The following TBXAS1 variants were observed in gnomAD, a reference collection of about 807,000 sequenced individuals.
TBXAS1 encodes thromboxane-A synthase.
A neutral mutation model predicts 60.7 loss-of-function variants in TBXAS1; 48 were observed. The ratio of observed to expected loss-of-function variants is 0.79; its 90% confidence interval spans 0.63 to 1.01. TBXAS1 has a LOEUF of 1.01. Among genes scored for constraint, TBXAS1 ranks in the 50% least tolerant of loss-of-function variants. The pLI, the probability that TBXAS1 is intolerant of heterozygous loss-of-function variation, is 0.00. For synonymous variants in TBXAS1, 287 were observed against 269.7 expected, an observed-to-expected ratio of 1.06 and a Z score of -0.63; for missense variants, 685 against 686.3, an observed-to-expected ratio of 1.00 and a Z score of 0.02.
rs1337922114 is a variant in TBXAS1, at chr7:139,953,453, A to G, written c.536A>G (p.Gln179Arg). The G allele has an allele frequency of 1.9e-6, 3 of 1,614,022 alleles. No individual in the cohort carries two copies. Among genetic ancestry groups the G allele is most frequent in the Admixed American group, 3.3e-5 (2 of 60,008 alleles). The change falls in exon 6 of 13, where the codon CAG becomes CGG. Residue 179 changes from glutamine to arginine, a missense_variant. Coordinates refer to ENST00000448866, the MANE Select transcript of TBXAS1 (RefSeq NM_001061.7). ...GAATCTGGGGACGCATTTGACATCC[A>G]GAGGTAAGGCTGCTGCATTACAGAT... The part of the protein sequence containing the change: ...YAESGDAFDI[Q>R]RCYCNYTTDV...
intron 5 of TBXAS1, among the ~76,000 whole-genome samples, chr7:139,940,849 A>C (rs910923214): frequency 3.9e-5 from 6 of 152,240 alleles, no homozygotes; most frequent in African/African-American, 1.4e-4. Flanking sequence ...AGAACCGAGA[A>C]GCTTTCTACC....
chr7:139,904,999 CTT>C (rs767093965), intron 3 of TBXAS1, among the ~76,000 whole-genome samples: 29 of 97,142 alleles, frequency 3.0e-4, no homozygotes, highest in Non-Finnish European at 5.0e-4. Flanking sequence ...CTCTTTCTCT[CTT>C]TCTCTCTTTC....
chr7:139,906,141 C>T, intron 3 of TBXAS1: 1 of 374,938 alleles, frequency 2.7e-6, no homozygotes, highest in Non-Finnish European at 5.2e-6. Flanking sequence ...CTGCAACCTC[C>T]ACCTTCCAGG....
intron 3 of TBXAS1, 55 bp from the exon 4 acceptor site, chr7:139,911,170 G>T: frequency 6.6e-7 from 1 of 1,507,500 alleles, no homozygotes; most frequent in Non-Finnish European, 9.2e-7. Flanking sequence ...ACTCTTTTTT[G>T]GAAAGGAGAA....
chr7:139,870,486 C>G (rs988185179), intron 1 of TBXAS1, among the ~76,000 whole-genome samples: 3 of 152,196 alleles, frequency 2.0e-5, no homozygotes, highest in Non-Finnish European at 2.9e-5. Context: ...GGTCTTTCCT[C>G]TCTGTTGTAA....
chr7:139,815,282 A>T (rs2116418536), intron 4 of TBXAS1, among the ~76,000 whole-genome samples: 1 of 152,358 alleles, frequency 6.6e-6, no homozygotes, highest in East Asian at 1.9e-4. Flanking sequence ...TGCTCTGCAA[A>T]GCAGCCAGTG....
At chr7:139,994,166 C>T (rs897355150) in intron 9 of TBXAS1, among the ~76,000 whole-genome samples, 23 of 152,272 alleles carry the variant, frequency 1.5e-4, no homozygotes, top group South Asian at 4.1e-4. Flanking sequence ...CTCAGCCTCC[C>T]GCGTAGCTGG....
At chr7:139,948,005 C>G (rs1413940389) in intron 5 of TBXAS1, among the ~76,000 whole-genome samples, 1 of 152,114 alleles carries the variant, frequency 6.6e-6, no homozygotes. Context: ...GCTGGGATTG[C>G]TGGCACGGGC....
In TBXAS1 at chr7:139,872,332, A is replaced by T. The variant is rs763244268; in HGVS notation, c.183+4A>T. On this transcript the variant is annotated splice_donor_region_variant and intron_variant, in intron 2 of 12. Coordinates refer to ENST00000448866, the MANE Select transcript of TBXAS1 (RefSeq NM_001061.7). Reference sequence around the variant, plus strand: ...AAACTTGACATTTTTCCGCCAGGTAAGGGCTGTCTTCCATTGGCTTCCATC... The same window carrying T: ...AAACTTGACATTTTTCCGCCAGGTATGGGCTGTCTTCCATTGGCTTCCATC... 1 of 1,613,378 alleles carries T rather than the reference A, an allele frequency of 6.2e-7. No individual in the cohort carries two copies. The highest frequency in any genetic ancestry group is 2.2e-5 in the East Asian group (1 of 44,858).
At chr7:139,861,520 G>A (rs1016525824) in intron 1 of TBXAS1, among the ~76,000 whole-genome samples, 1 of 150,620 alleles carries the variant, frequency 6.6e-6, no homozygotes, top group African/African-American at 2.4e-5. Flanking sequence ...CTCCCAAAGT[G>A]CTAGGATTAC....
At chr7:139,831,254 A>G (rs1798682116) in intron 1 of TBXAS1, among the ~76,000 whole-genome samples, 1 of 152,188 alleles carries the variant, frequency 6.6e-6, no homozygotes, top group Non-Finnish European at 1.5e-5. Flanking sequence ...GAGCAGAGGC[A>G]GCAGGAGAGA....
At chr7:139,957,568 G>T (rs1809965588) in intron 7 of TBXAS1, 66 bp from the exon 8 acceptor site, 1 of 1,610,656 alleles carries the variant, frequency 6.2e-7, no homozygotes, top group Admixed American at 1.7e-5. Flanking sequence ...CCCGGGAACA[G>T]GCGTCTAATG....
At chr7:139,884,624 C>T (rs148022370) in intron 3 of TBXAS1, among the ~76,000 whole-genome samples, 108 of 152,294 alleles carry the variant, frequency 7.1e-4, no homozygotes, top group African/African-American at 2.4e-3. Flanking sequence ...AGATGGTGCT[C>T]CCCATTCCAG....
intron 3 of TBXAS1, among the ~76,000 whole-genome samples, chr7:139,889,865 G>A (rs1404378544): frequency 6.6e-6 from 1 of 152,192 alleles, no homozygotes; most frequent in Non-Finnish European, 1.5e-5. Context: ...TGGGGGGATG[G>A]ATACAAACAT....
intron 10 of TBXAS1, among the ~76,000 whole-genome samples, chr7:140,014,782 C>T (rs145191002): frequency 5.3e-5 from 8 of 152,094 alleles, no homozygotes; most frequent in African/African-American, 1.7e-4. Context: ...GGCCTGTTGA[C>T]ACACACCTGT....
intron 4 of TBXAS1, among the ~76,000 whole-genome samples, chr7:139,817,508 A>G (rs10487662): frequency 0.098 from 14,840 of 152,140 alleles, 839 homozygotes; most frequent in Non-Finnish European, 0.13. Context: ...TATACTGGTA[A>G]AACCCCGATA....
At chr7:139,957,800 A>T (rs1158481174) in intron 8 of TBXAS1, 36 bp downstream of exon 8, 3 of 1,613,218 alleles carry the variant, frequency 1.9e-6, no homozygotes, top group Non-Finnish European at 2.5e-6. Flanking sequence ...CTTGAAATGG[A>T]ATGGAGCCGA....
intron 3 of TBXAS1, among the ~76,000 whole-genome samples, chr7:139,890,344 T>C (rs915602006): frequency 2.7e-5 from 4 of 150,898 alleles, no homozygotes; most frequent in African/African-American, 9.8e-5. Context: ...GCCTCCCGAG[T>C]AGCTGGGACT....
intron 5 of TBXAS1, among the ~76,000 whole-genome samples, chr7:139,951,901 A>G (rs1453596013): frequency 6.9e-5 from 2 of 28,914 alleles, no homozygotes; most frequent in African/African-American, 1.6e-4. Flanking sequence ...GAAGGAAGGA[A>G]AGAAAGAGAA....
Sources: gnomAD v4.1 joint callset for allele counts (sites outside exome capture counted in the v4.1 genomes callset) on GRCh38, gnomAD v4.1.1 for gene constraint, MANE v1.5 for transcripts, NCBI Gene and HGNC (gene_info 2026-07-23, HGNC 2026-07-21) for gene names.